Variants in PIP4K2A observed in about 807,000 individuals in gnomAD.
The protein encoded by PIP4K2A is phosphatidylinositol 5-phosphate 4-kinase type-2 alpha.
In PIP4K2A, 14 loss-of-function variants were observed where a neutral mutation model predicts 42.9. The observed-to-expected ratio is 0.33, with a 90% CI of 0.22 to 0.51. The LOEUF is 0.51. Among genes scored for constraint, PIP4K2A ranks in the 20% least tolerant of loss-of-function variants. PIP4K2A has a pLI of 0.97. For missense variants in PIP4K2A, 434 were observed against 519.8 expected (o/e 0.83, Z 1.61); for synonymous variants, 192 against 192.2 (o/e 1.00, Z 0.01).
rs562251108 is a variant in PIP4K2A, at chr10:22,577,574, T to C, written c.493-4117A>G. The stretch of plus-strand genomic sequence containing the variant: ...CATGCTTCTTGTACAGTCTGCAGAA[T>C]TGCAAGCCAAATAAACCTCTTTTCC... On this transcript the variant is annotated intron_variant, in intron 4 of 9. Transcript: ENST00000376573. 3.9e-5 allele frequency among the ~76,000 whole-genome samples: 6 copies of C among 152,322 alleles called. No individual in the cohort carries two copies. In the South Asian group the frequency reaches 1.0e-3, roughly 26 times the overall value.
chr10:22,671,704 T>C (rs1839453173), intron 1 of PIP4K2A, among the ~76,000 whole-genome samples: 1 of 151,694 alleles, frequency 6.6e-6, no homozygotes. Context: ...GAAGACAGTT[T>C]TCACTATTAA....
intron 1 of PIP4K2A, among the ~76,000 whole-genome samples, chr10:22,614,238 G>A (rs1163811014): frequency 6.6e-6 from 1 of 152,204 alleles, no homozygotes; most frequent in Non-Finnish European, 1.5e-5. Context: ...AAGAAGACAA[G>A]AAATGAGACA....
intron 4 of PIP4K2A, among the ~76,000 whole-genome samples, chr10:22,575,182 A>G (rs1248056383): frequency 6.6e-6 from 1 of 152,220 alleles, no homozygotes. Context: ...ACTATACTAT[A>G]CTGAAGATGA....
intron 5 of PIP4K2A, among the ~76,000 whole-genome samples, chr10:22,573,031 A>C (rs1837026986): frequency 6.6e-6 from 1 of 152,182 alleles, no homozygotes. Context: ...CCCCGAGTGC[A>C]GGTTTGGTTT....
intron 6 of PIP4K2A, among the ~76,000 whole-genome samples, chr10:22,556,162 C>T (rs1210694510): frequency 6.6e-6 from 1 of 152,138 alleles, no homozygotes; most frequent in Non-Finnish European, 1.5e-5. Flanking sequence ...TACATGAGGG[C>T]AAAGTTAGTA....
intron 6 of PIP4K2A, among the ~76,000 whole-genome samples, chr10:22,566,891 TC>T (rs1836860712): frequency 6.6e-6 from 1 of 152,184 alleles, no homozygotes; most frequent in Admixed American, 6.5e-5. Context: ...GAGGTCTGCA[TC>T]CCCTGCTAGA....
At chr10:22,619,105 G>C (rs1037423403) in intron 1 of PIP4K2A, among the ~76,000 whole-genome samples, 9 of 151,874 alleles carry the variant, frequency 5.9e-5, no homozygotes, top group Non-Finnish European at 1.3e-4. Flanking sequence ...TTGAGCACCA[G>C]CTCTCATTTG....
chr10:22,608,876 C>CA (rs1354668655), intron 2 of PIP4K2A, among the ~76,000 whole-genome samples: 11 of 151,434 alleles, frequency 7.3e-5, no homozygotes, highest in Admixed American at 2.6e-4. Flanking sequence ...GATCCTGTCT[C>CA]AAAAAAAAAT....
chr10:22,668,423 T>G (rs1334737076), intron 1 of PIP4K2A, among the ~76,000 whole-genome samples: 3 of 152,188 alleles, frequency 2.0e-5, no homozygotes, highest in Non-Finnish European at 4.4e-5. Flanking sequence ...ACAGTGTTTT[T>G]TTTGTTTGTT....
intron 5 of PIP4K2A, among the ~76,000 whole-genome samples, chr10:22,572,509 G>A (rs938859762): frequency 2.6e-5 from 4 of 152,158 alleles, no homozygotes; most frequent in Admixed American, 2.6e-4. Context: ...TCCCAGCTAC[G>A]TGGGAGGACT....
At chr10:22,705,406 A>G (rs1489159405) in intron 1 of PIP4K2A, among the ~76,000 whole-genome samples, 1 of 118,300 alleles carries the variant, frequency 8.5e-6, no homozygotes, top group Non-Finnish European at 1.7e-5. Flanking sequence ...CCCTTTACGT[A>G]TTATATTCAG....
intron 1 of PIP4K2A, among the ~76,000 whole-genome samples, chr10:22,666,382 C>T (rs867801297): frequency 3.3e-5 from 5 of 152,112 alleles, no homozygotes; most frequent in East Asian, 1.9e-4. Context: ...ATAAAAGTCA[C>T]GGGAGAAACC....
chr10:22,640,784 T>TTA (rs1838767788), intron 1 of PIP4K2A, among the ~76,000 whole-genome samples: 15 of 152,052 alleles, frequency 9.9e-5, no homozygotes, highest in Admixed American at 9.8e-4. Context: ...TAATGCAAAG[T>TTA]GGAAATAAAG....
At chr10:22,618,906 T>C (rs966713957) in intron 1 of PIP4K2A, among the ~76,000 whole-genome samples, 3 of 152,248 alleles carry the variant, frequency 2.0e-5, no homozygotes, top group Middle Eastern at 3.2e-3. Context: ...ATATTTTTGA[T>C]GTGTATTGGT....
intron 1 of PIP4K2A, among the ~76,000 whole-genome samples, chr10:22,619,811 T>A (rs1838279169): frequency 6.6e-6 from 1 of 152,220 alleles, no homozygotes; most frequent in African/African-American, 2.4e-5. Context: ...AAGATCCAAG[T>A]ATATTTTAAT....
chr10:22,542,512 T>TA (rs1376555128), intron 7 of PIP4K2A, among the ~76,000 whole-genome samples: 2 of 152,218 alleles, frequency 1.3e-5, no homozygotes, highest in African/African-American at 4.8e-5. Context: ...AGGCGATTGT[T>TA]ACGCTGTTGT....
At chr10:22,672,024 C>A (rs1274567861) in intron 1 of PIP4K2A, among the ~76,000 whole-genome samples, 1 of 152,168 alleles carries the variant, frequency 6.6e-6, no homozygotes, top group African/African-American at 2.4e-5. Flanking sequence ...CTATATTTTA[C>A]ATATAGCCCC....
At chr10:22,657,912 C>T (rs1393787885) in intron 1 of PIP4K2A, among the ~76,000 whole-genome samples, 1 of 152,046 alleles carries the variant, frequency 6.6e-6, no homozygotes, top group African/African-American at 2.4e-5. Context: ...TGGATATAAA[C>T]TAATGCTATT....
rs75510400 is a variant in PIP4K2A at position 22,705,040 on chromosome 10, G to T, written c.144+9143C>A. Among the ~76,000 whole-genome samples the T allele has an allele frequency of 3.9e-3, 598 of 152,192 alleles. 1 individual carries two copies. Among genetic ancestry groups the T allele is most frequent in the African/African-American group, 0.014 (567 of 41,534 alleles). ...GATGGTGGGAAGAGTGGAAGCTGAC[G>T]GCTTCTATTTGTTCAATGCTTTCTA... is the stretch of plus-strand genomic sequence containing the variant. On this transcript the variant is annotated intron_variant, in intron 1 of 9. Coordinates refer to ENST00000376573, the MANE Select transcript of PIP4K2A (RefSeq NM_005028.5).
Sources: gnomAD v4.1 joint callset for allele counts (sites outside exome capture counted in the v4.1 genomes callset) on GRCh38, gnomAD v4.1.1 for gene constraint, MANE v1.5 for transcripts, NCBI Gene and HGNC (gene_info 2026-07-23, HGNC 2026-07-21) for gene names.